ZNF423: variants seen among roughly 807,000 people sequenced by gnomAD.
ZNF423 encodes the protein zinc finger protein 423, also known as Ebf-associated zinc finger protein.
Under a neutral mutation model 95.8 loss-of-function variants are expected in ZNF423, and 12 were observed. That is an observed-to-expected ratio of 0.13 (90% confidence interval 0.08 to 0.20). The LOEUF (loss-of-function observed/expected upper bound fraction) is 0.20. Among genes scored for constraint, ZNF423 ranks in the 10% least tolerant of loss-of-function variants. The pLI is 1.00. For synonymous variants in ZNF423, 749 were observed against 711.9 expected, an observed-to-expected ratio of 1.05 and a Z score of -0.83; for missense variants, 1,316 against 1,737.1, an observed-to-expected ratio of 0.76 and a Z score of 4.31.
chr16:49,788,500 C>G (rs1159769383), intron 2 of ZNF423, among the ~76,000 whole-genome samples: 2 of 152,226 alleles, frequency 1.3e-5, no homozygotes, highest in East Asian at 3.8e-4. Context: ...TGTTTATATA[C>G]CTGATGCCTA....
intron 1 of ZNF423, among the ~76,000 whole-genome samples, chr16:49,815,884 ATATATATAT>A (rs1567356237): frequency 2.5e-5 from 1 of 39,754 alleles, no homozygotes; most frequent in Non-Finnish European, 4.3e-5. Context: ...AAAAAAAAAT[ATATATATAT>A]ATATATATAT....
intron 2 of ZNF423, among the ~76,000 whole-genome samples, chr16:49,760,896 G>A (rs34814930): frequency 0.17 from 24,224 of 145,648 alleles, 2,031 homozygotes; most frequent in South Asian, 0.27. Flanking sequence ...CTGCCATGCC[G>A]TCACCACCAC....
intron 6 of ZNF423, among the ~76,000 whole-genome samples, chr16:49,524,448 T>C (rs1415958181): frequency 6.6e-6 from 1 of 151,958 alleles, no homozygotes; most frequent in Non-Finnish European, 1.5e-5. Flanking sequence ...CAGTGACAGA[T>C]GGGTGGGGGC....
At chr16:49,644,405 T>C (rs1973092668) in intron 3 of ZNF423, among the ~76,000 whole-genome samples, 1 of 150,896 alleles carries the variant, frequency 6.6e-6, no homozygotes, top group Non-Finnish European at 1.5e-5. Context: ...CTGTAATCCC[T>C]GAACATTGGG....
In ZNF423 at chr16:49,637,733, C is replaced by T. The variant is rs753825038; in HGVS notation, c.1443G>A (p.Gln481=). The T allele has an allele frequency of 6.2e-7, 1 of 1,614,166 alleles. No homozygotes were observed. The highest frequency in any genetic ancestry group is 8.5e-7 in the Non-Finnish European group (1 of 1,180,046). ...AGTGGAAGGCAGAGATGTTGCCAAACTGCATCACAGGGTAGGCATGGTTCT... is the reference window on the plus strand; with the variant it reads ...AGTGGAAGGCAGAGATGTTGCCAAATTGCATCACAGGGTAGGCATGGTTCT... The part of the protein sequence containing the change: ...LHKNHAYPVM[Q]FGNISAFHCN... The change falls in exon 4 of 8, where the codon CAG becomes CAA. Residue 481 remains glutamine (Q), a synonymous_variant. Transcript: ENST00000563137. The surrounding 1 kb of genome is among the most constrained non-coding windows in gnomAD (Gnocchi z 5.6).
chr16:49,809,048 A>G (rs2034709888), intron 1 of ZNF423, among the ~76,000 whole-genome samples: 1 of 152,188 alleles, frequency 6.6e-6, no homozygotes, highest in South Asian at 2.1e-4. Flanking sequence ...CATCTGTCTC[A>G]TCCCATAGCC....
chr16:49,628,830 A>G (rs1326613404), intron 4 of ZNF423, among the ~76,000 whole-genome samples: 1 of 152,226 alleles, frequency 6.6e-6, no homozygotes, highest in Non-Finnish European at 1.5e-5. Context: ...GAGTTGTTCC[A>G]AAGAGTGAAC....
chr16:49,748,958 G>A lies in ZNF423; in HGVS notation c.101-17987C>T, dbSNP rs576573825. 1.9e-4 allele frequency among the ~76,000 whole-genome samples: 29 copies of A among 152,292 alleles called. No individual in the cohort carries two copies. In the East Asian group the frequency reaches 3.7e-3, roughly 19 times the overall value. ...AGGTCAACAGAGAAGTCCAGCGCAT[G>A]GTAAAGACCAGCGTGACCACAGGCT... On this transcript the variant is annotated intron_variant, in intron 2 of 7. Transcript: ENST00000563137.
intron 3 of ZNF423, among the ~76,000 whole-genome samples, chr16:49,696,427 A>G (rs1320660693): frequency 6.6e-6 from 1 of 152,188 alleles, no homozygotes; most frequent in Non-Finnish European, 1.5e-5. Context: ...GCTACCAGAG[A>G]AGGACCTCAT....
chr16:49,818,860 T>G (rs1235540898), intron 1 of ZNF423, among the ~76,000 whole-genome samples: 1 of 152,138 alleles, frequency 6.6e-6, no homozygotes, highest in African/African-American at 2.4e-5. Context: ...GTACTCCAGC[T>G]TGGGCAACAG....
chr16:49,708,787 T>TC (rs11331869), intron 3 of ZNF423, among the ~76,000 whole-genome samples: 2 of 151,910 alleles, frequency 1.3e-5, no homozygotes, highest in African/African-American at 4.8e-5. Context: ...TAATGTCTGT[T>TC]CCCCCCAGCA....
At position 49,559,621 on chromosome 16, in the gene ZNF423, C is replaced by T. The variant is rs1450298973; in HGVS notation, c.3602-34127G>A. On this transcript the variant is annotated intron_variant, in intron 5 of 7. Coordinates refer to ENST00000563137, the MANE Select transcript of ZNF423 (RefSeq NM_001379286.1). The stretch of plus-strand genomic sequence containing the variant: ...GTCAAGGAAGAAGAGTTGATGACAA[C>T]ATGTTTTCCTGTGGGCGGTCTGCTC... Among the ~76,000 whole-genome samples, 5 of 152,208 alleles carry T rather than the reference C, an allele frequency of 3.3e-5. No homozygotes were observed. In the South Asian group the frequency reaches 1.0e-3, roughly 32 times the overall value.
At chr16:49,717,375 G>A (rs1264310594) in intron 3 of ZNF423, among the ~76,000 whole-genome samples, 1 of 152,234 alleles carries the variant, frequency 6.6e-6, no homozygotes, top group African/African-American at 2.4e-5. Context: ...CAGTTCAGGA[G>A]GTCAGGTCAC....
chr16:49,497,862 A>T (rs935226525), intron 7 of ZNF423, among the ~76,000 whole-genome samples: 1 of 152,222 alleles, frequency 6.6e-6, no homozygotes, highest in African/African-American at 2.4e-5. Flanking sequence ...TTGTTCACTT[A>T]GCAAACAAGG....
intron 1 of ZNF423, among the ~76,000 whole-genome samples, chr16:49,813,307 G>A (rs1428572484): frequency 6.6e-6 from 1 of 152,080 alleles, no homozygotes; most frequent in Non-Finnish European, 1.5e-5. Flanking sequence ...CCGACTCCAG[G>A]CAGCCAGAGC....
intron 5 of ZNF423, among the ~76,000 whole-genome samples, chr16:49,559,046 T>C (rs1969933676): frequency 6.6e-6 from 1 of 152,192 alleles, no homozygotes; most frequent in South Asian, 2.1e-4. Flanking sequence ...TGGCCCAGGC[T>C]TGCCCCAGGC....
rs540141313 is a variant in ZNF423, at chr16:49,616,403, G to C, written c.3601+9767C>G. On this transcript the variant is annotated intron_variant, in intron 5 of 7. Transcript: ENST00000563137. The stretch of plus-strand genomic sequence containing the variant: ...AGTTCGACAGAATCAGTAAGATCTA[G>C]TATTTGATAGCACAACAGGGTGACT... Among the ~76,000 whole-genome samples, 3 of 152,214 alleles carry C rather than the reference G, an allele frequency of 2.0e-5. No homozygotes were observed. In the South Asian group the frequency reaches 6.2e-4, roughly 32 times the overall value.
chr16:49,844,519 G>A lies in ZNF423; in HGVS notation c.40+11216C>T, dbSNP rs536726365. Among the ~76,000 whole-genome samples, 17 of 152,266 alleles carry A rather than the reference G, an allele frequency of 1.1e-4. No homozygotes were observed. In the East Asian group the frequency reaches 2.9e-3, roughly 26 times the overall value. On this transcript the variant is annotated intron_variant, in intron 1 of 7. Transcript: ENST00000563137. ...TCAGGAACAGAGGCTGGGGCAGCGG[G>A]AGGGGCCCACAAAGACTGACTCTCA...
chr16:49,702,901 GTGCACA>G (rs1460403284), intron 3 of ZNF423, among the ~76,000 whole-genome samples: 83 of 133,872 alleles, frequency 6.2e-4, no homozygotes, highest in African/African-American at 1.7e-3. Flanking sequence ...ACCTGCCTGT[GTGCACA>G]CGCACACACA....
Sources: allele counts gnomAD v4.1 joint callset (sites outside exome capture counted in the v4.1 genomes callset), GRCh38; gene constraint gnomAD v4.1.1; non-coding constraint Gnocchi (gnomAD v3.1); transcripts MANE v1.5; gene names NCBI Gene and HGNC (gene_info 2026-07-23, HGNC 2026-07-21).